The following CDCP2 variants were observed in gnomAD, a reference collection of about 807,000 sequenced individuals.
CDCP2 encodes CUB domain-containing protein 2.
CDCP2 carries 31 observed loss-of-function variants against 31.0 expected under a neutral mutation model. The observed-to-expected ratio is 1.00, with a 90% CI of 0.75 to 1.35. The LOEUF (loss-of-function observed/expected upper bound fraction) is 1.35. Ranked by LOEUF, CDCP2 falls within the 40% of genes most tolerant of loss-of-function variation. The pLI is 0.00. For missense variants in CDCP2, 443 were observed against 482.6 expected, an observed-to-expected ratio of 0.92 and a Z score of 0.77; for synonymous variants, 206 against 207.9, an observed-to-expected ratio of 0.99 and a Z score of 0.08.
exon 6 of CDCP2, chr1:54,133,058 G>A (rs1570053844): frequency 2.5e-6 from 1 of 398,924 alleles, no homozygotes; most frequent in Non-Finnish European, 4.4e-6. Context: ...TGGTATCCTG[G>A]GCCACCATGC....
chr1:54,144,758 G>A lies in CDCP2; in HGVS notation c.135C>T (p.Asn45=), dbSNP rs749617812. The stretch of plus-strand genomic sequence containing the variant: ...TGTTGTAGGGGTACAGTCTAGGGAA[G>A]TTGGGGCTGGAGAAGTTTCCAGAAG... The change falls in exon 2 of 6, where the codon AAC becomes AAT. Residue 45 remains asparagine (N), a synonymous_variant. Coordinates refer to ENST00000530059, the Ensembl canonical transcript of CDCP2. 6.8e-6 allele frequency: 11 copies of A among 1,614,138 alleles called. No individual in the cohort carries two copies. In the Admixed American group the frequency reaches 1.0e-4, roughly 15 times the overall value.
intron 1 of CDCP2, among the ~76,000 whole-genome samples, chr1:54,145,515 G>C (rs1286084971): frequency 6.6e-6 from 1 of 152,168 alleles, no homozygotes; most frequent in East Asian, 1.9e-4. Flanking sequence ...CAGGAAAAGA[G>C]ACAGGAAGTG....
At chr1:54,135,438 C>A (rs1659242266) in intron 5 of CDCP2, among the ~76,000 whole-genome samples, 1 of 152,150 alleles carries the variant, frequency 6.6e-6, no homozygotes, top group Admixed American at 6.5e-5. Flanking sequence ...ACTAATAATC[C>A]ATGAATCAAA....
intron 2 of CDCP2, chr1:54,141,660 T>G: frequency 2.3e-6 from 1 of 439,268 alleles, no homozygotes; most frequent in Non-Finnish European, 4.0e-6. Context: ...GCACAAGGAC[T>G]GTGCTGCAGT....
chr1:54,149,649 C>T (rs1338447634), intron 1 of CDCP2, among the ~76,000 whole-genome samples: 1 of 152,228 alleles, frequency 6.6e-6, no homozygotes, highest in African/African-American at 2.4e-5. Flanking sequence ...GTGCTATATG[C>T]TTCTCCATAG....
intron 5 of CDCP2, among the ~76,000 whole-genome samples, chr1:54,135,833 G>C (rs1269635214): frequency 6.6e-6 from 1 of 152,182 alleles, no homozygotes; most frequent in Admixed American, 6.5e-5. Context: ...GGAGGCGGGG[G>C]AGGGTTTGCT....
chr1:54,148,908 C>T (rs1448050347), intron 1 of CDCP2, among the ~76,000 whole-genome samples: 2 of 149,486 alleles, frequency 1.3e-5, no homozygotes, highest in Non-Finnish European at 3.0e-5. Flanking sequence ...AGTCAAATAT[C>T]AACCAAATGC....
At chr1:54,152,793 C>T (rs1310622425) in intron 1 of CDCP2, 51 bp downstream of exon 1, 4 of 1,544,730 alleles carry the variant, frequency 2.6e-6, no homozygotes, top group Non-Finnish European at 3.6e-6. Flanking sequence ...CTGGCTGTTG[C>T]CTGCCCACCT....
intron 3 of CDCP2, 39 bp from the exon 4 acceptor site, chr1:54,140,145 G>A (rs1201386042): frequency 6.3e-7 from 1 of 1,584,284 alleles, no homozygotes; most frequent in African/African-American, 1.3e-5. Flanking sequence ...GCAACAGTGA[G>A]GGGAGAGGAG....
intron 3 of CDCP2, chr1:54,140,857 T>C (rs1659355199): frequency 1.0e-5 from 4 of 400,966 alleles, no homozygotes; most frequent in Non-Finnish European, 1.8e-5. Flanking sequence ...GATCATAGTG[T>C]AAAAAACTTA....
intron 5 of CDCP2, among the ~76,000 whole-genome samples, chr1:54,136,352 C>A (rs575822426): frequency 2.6e-5 from 4 of 152,322 alleles, no homozygotes; most frequent in African/African-American, 9.6e-5. Context: ...TGGGGTTAAG[C>A]AGCAGCAGCT....
chr1:54,144,332 C>G (rs1659422662), intron 2 of CDCP2, 134 bp downstream of exon 2: 1 of 778,622 alleles, frequency 1.3e-6, no homozygotes, highest in South Asian at 1.9e-5. Context: ...CATCTCCACC[C>G]CAGGGCCAGC....
At chr1:54,148,589 G>A (rs1168034395) in intron 1 of CDCP2, among the ~76,000 whole-genome samples, 1 of 151,606 alleles carries the variant, frequency 6.6e-6, no homozygotes, top group Non-Finnish European at 1.5e-5. Context: ...TCTACAGTTA[G>A]AGTAAATATG....
chr1:54,144,911 T>C (rs1659438446), intron 1 of CDCP2, 98 bp from the exon 2 acceptor site: 1 of 841,126 alleles, frequency 1.2e-6, no homozygotes, highest in Admixed American at 2.8e-5. Context: ...GTTCTTGGGA[T>C]GGGATGAGGG....
At chr1:54,141,544 C>T (rs1429335924) in intron 2 of CDCP2, 111 bp from the exon 3 acceptor site, 4 of 913,230 alleles carry the variant, frequency 4.4e-6, no homozygotes, top group Non-Finnish European at 4.9e-6. Flanking sequence ...CTCATTAGGG[C>T]CTCATTACCA....
chr1:54,149,964 G>C (rs1659549220), intron 1 of CDCP2, among the ~76,000 whole-genome samples: 1 of 152,170 alleles, frequency 6.6e-6, no homozygotes. Flanking sequence ...TATTGCTTTG[G>C]GTCTGCCCAA....
At chr1:54,152,221 T>C (rs1444498784) in intron 1 of CDCP2, among the ~76,000 whole-genome samples, 3 of 152,084 alleles carry the variant, frequency 2.0e-5, no homozygotes, top group African/African-American at 7.3e-5. Flanking sequence ...CCCAGCACTT[T>C]GGGAGGCCGA....
chr1:54,143,481 T>C (rs1169835053), intron 2 of CDCP2: 6 of 152,140 alleles, frequency 3.9e-5, no homozygotes, highest in Non-Finnish European at 7.3e-5. Flanking sequence ...CATAAAGGTA[T>C]TCCTGTTTTT....
chr1:54,139,378 C>T, intron 4 of CDCP2: 2 of 656,998 alleles, frequency 3.0e-6, no homozygotes, highest in African/African-American at 1.8e-5. Context: ...GACATCCCCA[C>T]AGTTATACCA....
Sources: allele counts gnomAD v4.1 joint callset (sites outside exome capture counted in the v4.1 genomes callset), GRCh38; gene constraint gnomAD v4.1.1; transcripts MANE v1.5; gene names NCBI Gene and HGNC (gene_info 2026-07-23, HGNC 2026-07-21).